The following NXN variants were observed in gnomAD, a reference collection of about 807,000 sequenced individuals.
The protein encoded by NXN is nucleoredoxin.
A neutral mutation model predicts 48.6 loss-of-function variants in NXN; 16 were observed. The observed-to-expected ratio is 0.33, with a 90% CI of 0.22 to 0.50. The LOEUF is 0.50. NXN is among the 20% of genes least tolerant of loss of function. The pLI, the probability that NXN is intolerant of heterozygous loss-of-function variation, is 0.98. For synonymous variants in NXN, 281 were observed against 269.6 expected (o/e 1.04, Z -0.41); for missense variants, 492 against 605.5 (o/e 0.81, Z 1.97).
At position 825,989 on chromosome 17, in the gene NXN, C is replaced by A; in HGVS notation, c.450G>T (p.Gly150=). Residue 150 remains glycine (G), a synonymous_variant, in exon 2 of 8, where the codon GGG becomes GGT. Transcript: ENST00000336868. The surrounding 1 kb of genome is among the most constrained non-coding windows in gnomAD (Gnocchi z 4.1). The part of the protein sequence containing the change: ...ATTGKVVCRN[G]LLVIRDDPEG... ...CTGGGTCATCTCGGATCACCAGCAG[C>A]CCGTTCCTGCACACAACCTTCCCAG... The A allele has an allele frequency of 6.2e-7, 1 of 1,613,184 alleles. No individual in the cohort carries two copies. Among genetic ancestry groups the A allele is most frequent in the Non-Finnish European group, 8.5e-7 (1 of 1,179,414 alleles).
At chr17:961,387 GAA>G (rs765525826) in intron 1 of NXN, among the ~76,000 whole-genome samples, 1 of 140,622 alleles carries the variant, frequency 7.1e-6, no homozygotes, top group Non-Finnish European at 1.5e-5. Context: ...TCCGTCTCAA[GAA>G]AAAAAAAAAA....
chr17:953,574 G>A (rs2069136017), intron 1 of NXN, among the ~76,000 whole-genome samples: 1 of 152,162 alleles, frequency 6.6e-6, no homozygotes, highest in Non-Finnish European at 1.5e-5. Context: ...TCTCCAGCCA[G>A]GCCCAACCTT....
chr17:927,408 G>T (rs1467881656), intron 1 of NXN, among the ~76,000 whole-genome samples: 1 of 151,768 alleles, frequency 6.6e-6, no homozygotes, highest in Non-Finnish European at 1.5e-5. Context: ...CACAAGTTCC[G>T]GACCAGCCTC....
At chr17:976,059 G>A (rs927884523) in intron 1 of NXN, among the ~76,000 whole-genome samples, 11 of 149,856 alleles carry the variant, frequency 7.3e-5, no homozygotes, top group African/African-American at 2.8e-4. Context: ...AATAATGTGT[G>A]TTTTGGAAGC....
chr17:842,454 C>A (rs933338467), intron 1 of NXN: 1 of 935,400 alleles, frequency 1.1e-6, no homozygotes, highest in African/African-American at 1.8e-5. Context: ...GTGATCCCGG[C>A]GGGGAAGGCC....
At position 817,787 on chromosome 17, in the gene NXN, A is replaced by C. The variant is rs551714391; in HGVS notation, c.820+1652T>G. ...TAACCCTAGGAGTGCTGAGAACTCA[A>C]TTATTAGCTGTATCTGTTTACAGCT... On this transcript the variant is annotated intron_variant, in intron 5 of 7. Transcript: ENST00000336868. 1.8e-4 allele frequency among the ~76,000 whole-genome samples: 27 copies of C among 152,168 alleles called. 1 individual carries two copies. The highest frequency in any genetic ancestry group is 6.5e-4 in the African/African-American group (27 of 41,488).
intron 1 of NXN, among the ~76,000 whole-genome samples, chr17:862,391 G>A (rs1428880808): frequency 1.3e-5 from 2 of 152,202 alleles, no homozygotes; most frequent in East Asian, 3.9e-4. Context: ...GGGTGTGGTG[G>A]CCCATGCCTG....
At chr17:899,051 G>A (rs200536290) in intron 1 of NXN, among the ~76,000 whole-genome samples, 7 of 149,346 alleles carry the variant, frequency 4.7e-5, no homozygotes, top group East Asian at 4.0e-4. Context: ...TCTGCCTCCC[G>A]GGTTCAAGTG....
intron 1 of NXN, among the ~76,000 whole-genome samples, chr17:846,694 C>T (rs1312372400): frequency 2.0e-5 from 3 of 146,414 alleles, no homozygotes; most frequent in South Asian, 2.1e-4. Context: ...AGGGTGGGTA[C>T]GTTAAAGAAA....
intron 1 of NXN, among the ~76,000 whole-genome samples, chr17:909,126 A>C (rs959098837): frequency 7.0e-6 from 1 of 141,980 alleles, no homozygotes; most frequent in South Asian, 2.2e-4. Context: ...AAAAAAAAAA[A>C]ACACTCCCTG....
chr17:904,299 C>A (rs200796989), intron 1 of NXN, among the ~76,000 whole-genome samples: 2 of 105,702 alleles, frequency 1.9e-5, no homozygotes, highest in African/African-American at 8.5e-5. Flanking sequence ...ACGTCGGACG[C>A]CGTCCGGCTT....
chr17:949,882 G>A (rs1407197292), intron 1 of NXN, among the ~76,000 whole-genome samples: 4 of 151,510 alleles, frequency 2.6e-5, no homozygotes, highest in Admixed American at 1.3e-4. Context: ...TTCAGCCCCA[G>A]CATCTGCCTG....
intron 1 of NXN, among the ~76,000 whole-genome samples, chr17:841,487 CT>C (rs66532269): frequency 0.035 from 2,633 of 75,250 alleles, 74 homozygotes; most frequent in East Asian, 0.07. Flanking sequence ...CAGGTCCCCC[CT>C]GACCACGGCG....
At chr17:949,790 C>T (rs1257855177) in intron 1 of NXN, among the ~76,000 whole-genome samples, 3 of 151,326 alleles carry the variant, frequency 2.0e-5, no homozygotes, top group South Asian at 2.1e-4. Context: ...GGGGCAGCCA[C>T]GTGAGGACCT....
At chr17:892,269 A>C (rs1246029076) in intron 1 of NXN, among the ~76,000 whole-genome samples, 3 of 151,994 alleles carry the variant, frequency 2.0e-5, no homozygotes, top group Admixed American at 6.6e-5. Flanking sequence ...CCCAACAGGG[A>C]ACTAAGCTAA....
At chr17:913,817 T>A (rs936331807) in intron 1 of NXN, among the ~76,000 whole-genome samples, 2 of 152,228 alleles carry the variant, frequency 1.3e-5, no homozygotes, top group African/African-American at 4.8e-5. Context: ...TACACTGGCA[T>A]AAACTCACTT....
chr17:905,985 A>AG (rs1467516848), intron 1 of NXN, among the ~76,000 whole-genome samples: 3 of 152,052 alleles, frequency 2.0e-5, no homozygotes, highest in Non-Finnish European at 4.4e-5. Flanking sequence ...TCAAAAAAAA[A>AG]AAAAAGAAAA....
intron 1 of NXN, among the ~76,000 whole-genome samples, chr17:948,339 G>A (rs1388983735): frequency 2.0e-5 from 3 of 151,768 alleles, no homozygotes; most frequent in Non-Finnish European, 2.9e-5. Flanking sequence ...AAACAATAAA[G>A]AAAGAAAACA....
chr17:811,985 T>G (rs1453745982), intron 5 of NXN, among the ~76,000 whole-genome samples: 1 of 131,608 alleles, frequency 7.6e-6, no homozygotes, highest in Admixed American at 9.4e-5. Context: ...TGGAGTGCAG[T>G]GGCAAGATCT....
Sources: gnomAD v4.1 joint callset for allele counts (sites outside exome capture counted in the v4.1 genomes callset) on GRCh38, gnomAD v4.1.1 for gene constraint, Gnocchi (gnomAD v3.1) non-coding constraint, MANE v1.5 for transcripts, NCBI Gene and HGNC (gene_info 2026-07-23, HGNC 2026-07-21) for gene names.